The following ZNF420 variants were observed in gnomAD, a reference collection of about 807,000 sequenced individuals.
ZNF420 encodes the protein ATM and p53-associated KZNF protein.
In ZNF420, 31 loss-of-function variants were observed where a neutral mutation model predicts 44.7. The observed-to-expected ratio is 0.69, with a 90% CI of 0.52 to 0.94. The LOEUF (loss-of-function observed/expected upper bound fraction) is 0.94, where lower values mean the gene tolerates loss of function less well. Among genes scored for constraint, ZNF420 ranks in the 40% least tolerant of loss-of-function variants. ZNF420 has a pLI of 0.00. For synonymous variants in ZNF420, 245 were observed against 267.4 expected (o/e 0.92, Z 0.82); for missense variants, 681 against 827.9 (o/e 0.82, Z 2.18).
chr19:37,111,178 C>A (rs1472248974), intron 4 of ZNF420, among the ~76,000 whole-genome samples: 1 of 151,986 alleles, frequency 6.6e-6, no homozygotes, highest in Non-Finnish European at 1.5e-5. Flanking sequence ...TGTGCAGTAG[C>A]AAAAATCAAA....
At chr19:37,060,319 A>T (rs1967853686) in intron 1 of ZNF420, among the ~76,000 whole-genome samples, 1 of 152,128 alleles carries the variant, frequency 6.6e-6, no homozygotes, top group Non-Finnish European at 1.5e-5. Context: ...TTAAAGAAGA[A>T]GCTGGGATGG....
intron 1 of ZNF420, among the ~76,000 whole-genome samples, chr19:37,061,106 A>G (rs1457112101): frequency 6.6e-6 from 1 of 152,154 alleles, no homozygotes; most frequent in African/African-American, 2.4e-5. Flanking sequence ...TTCCTCCGGA[A>G]CATGCCTGGA....
At chr19:37,048,203 C>T (rs1242411041) in intron 1 of ZNF420, among the ~76,000 whole-genome samples, 1 of 152,004 alleles carries the variant, frequency 6.6e-6, no homozygotes, top group Non-Finnish European at 1.5e-5. Flanking sequence ...ATCAACAGGA[C>T]AATTATAGGA....
intron 4 of ZNF420, among the ~76,000 whole-genome samples, chr19:37,121,081 A>C (rs1378408560): frequency 2.7e-5 from 4 of 150,678 alleles, no homozygotes; most frequent in Non-Finnish European, 5.9e-5. Flanking sequence ...TGCCATCCCC[A>C]TCAAGCTACC....
intron 1 of ZNF420, among the ~76,000 whole-genome samples, chr19:37,072,656 G>A (rs1968076590): frequency 3.3e-5 from 5 of 152,138 alleles, no homozygotes; most frequent in Admixed American, 6.5e-5. Context: ...GACATAGATG[G>A]CCATTGTGAA....
At chr19:37,064,041 G>T (rs759742478) in intron 1 of ZNF420, among the ~76,000 whole-genome samples, 8 of 152,116 alleles carry the variant, frequency 5.3e-5, no homozygotes, top group Non-Finnish European at 1.0e-4. Context: ...GTTTCCTCAT[G>T]ATAAGGTTCC....
intron 1 of ZNF420, among the ~76,000 whole-genome samples, chr19:37,031,694 G>A (rs999320485): frequency 6.6e-6 from 1 of 151,822 alleles, no homozygotes; most frequent in African/African-American, 2.4e-5. Flanking sequence ...TGTATTTTTA[G>A]TAGAGACAGG....
intron 1 of ZNF420, among the ~76,000 whole-genome samples, chr19:37,012,674 T>A (rs1302493375): frequency 6.6e-6 from 1 of 152,076 alleles, no homozygotes; most frequent in Non-Finnish European, 1.5e-5. Flanking sequence ...TGGGCTGCTC[T>A]CTCACCCGAG....
At chr19:37,076,307 TA>T (rs564464050), upstream of ZNF420, among the ~76,000 whole-genome samples, 51 of 143,076 alleles carry the variant, frequency 3.6e-4, no homozygotes, top group East Asian at 1.4e-3. Flanking sequence ...TGTCACCTCC[TA>T]AAAAAAAAAA....
chr19:37,063,765 A>G (rs894487847), intron 1 of ZNF420, among the ~76,000 whole-genome samples: 7 of 152,194 alleles, frequency 4.6e-5, no homozygotes, highest in African/African-American at 1.7e-4. Context: ...CCCTACCTAC[A>G]TAACCACAAT....
chr19:37,045,671 G>A (rs1942983890), intron 1 of ZNF420, among the ~76,000 whole-genome samples: 1 of 152,164 alleles, frequency 6.6e-6, no homozygotes, highest in Non-Finnish European at 1.5e-5. Context: ...TCATTATAAT[G>A]CTACTGTAAT....
chr19:37,074,313 A>G (rs193154376), upstream of ZNF420, among the ~76,000 whole-genome samples: 71 of 152,344 alleles, frequency 4.7e-4, no homozygotes, highest in African/African-American at 1.6e-3. Flanking sequence ...ATATGATGCA[A>G]TAGGAAGAAC....
chr19:37,115,365 T>C (rs12461563), intron 4 of ZNF420, among the ~76,000 whole-genome samples: 2,936 of 152,218 alleles, frequency 0.019, 79 homozygotes, highest in East Asian at 0.05. Context: ...CTCTGAGTTC[T>C]CTCAGTGTTT....
At chr19:37,036,749 G>C (rs1967361636) in intron 1 of ZNF420, among the ~76,000 whole-genome samples, 1 of 152,106 alleles carries the variant, frequency 6.6e-6, no homozygotes, top group African/African-American at 2.4e-5. Context: ...CATTTCCCTG[G>C]GTCCCTTTTC....
intron 1 of ZNF420, among the ~76,000 whole-genome samples, chr19:37,050,556 A>G (rs2146422832): frequency 6.6e-6 from 1 of 152,164 alleles, no homozygotes; most frequent in East Asian, 1.9e-4. Flanking sequence ...ATTTTTGCAC[A>G]TTGATTTTTT....
chr19:37,014,645 C>A (rs1313309912), intron 1 of ZNF420, among the ~76,000 whole-genome samples: 1 of 152,228 alleles, frequency 6.6e-6, no homozygotes, highest in African/African-American at 2.4e-5. Context: ...CCTGACATTG[C>A]AGCGCGCGCG....
rs1481616698 is a variant in ZNF420, at chr19:37,129,562, A to G, written c.*504A>G. On this transcript the variant is annotated 3_prime_UTR_variant, in exon 5 of 5. Coordinates refer to ENST00000337995, the MANE Select transcript of ZNF420 (RefSeq NM_144689.5). Reference sequence around the variant, plus strand: ...TAGAGAATTTGCATGAGAGGAGAGTACTTATGAGTATAATGAATATTGAGA... The same window carrying G: ...TAGAGAATTTGCATGAGAGGAGAGTGCTTATGAGTATAATGAATATTGAGA... The G allele has an allele frequency of 6.2e-6, 1 of 162,100 alleles. No individual in the cohort carries two copies. Among genetic ancestry groups the G allele is most frequent in the African/African-American group, 2.4e-5 (1 of 41,598 alleles). The allele number at this position is 162,100 out of a possible 1,614,324, so 10.0% of individuals were successfully genotyped here.
rs989129934 is a variant in ZNF420 at position 37,089,197 on chromosome 19, A to T, written c.9+70A>T. On this transcript the variant is annotated intron_variant, in intron 3 of 4. Coordinates refer to ENST00000337995, the MANE Select transcript of ZNF420 (RefSeq NM_144689.5). Reference sequence around the variant, plus strand: ...GAGCATGTGTGTGTTTGTATTCCTTACTCCTGAAACTTCATTCCTAACTGA... The same window carrying T: ...GAGCATGTGTGTGTTTGTATTCCTTTCTCCTGAAACTTCATTCCTAACTGA... The T allele has an allele frequency of 5.2e-6, 7 of 1,335,638 alleles. No homozygotes were observed. In the African/African-American group the frequency reaches 1.0e-4, roughly 19 times the overall value. The allele number at this position is 1,335,638 out of a possible 1,614,324, so 82.7% of individuals were successfully genotyped here.
At chr19:37,069,922 A>T (rs1049035434) in intron 1 of ZNF420, among the ~76,000 whole-genome samples, 1 of 152,166 alleles carries the variant, frequency 6.6e-6, no homozygotes, top group African/African-American at 2.4e-5. Context: ...GGAAAGTGAA[A>T]GCAAGGAAAT....
Sources: gnomAD v4.1 joint callset for allele counts (sites outside exome capture counted in the v4.1 genomes callset) on GRCh38, gnomAD v4.1.1 for gene constraint, MANE v1.5 for transcripts, NCBI Gene and HGNC (gene_info 2026-07-23, HGNC 2026-07-21) for gene names.